The following SNX4 variants were observed in gnomAD, a reference collection of about 807,000 sequenced individuals.
The protein encoded by SNX4 is sorting nexin 4, also known as sorting nexin-4.
In SNX4, 49 loss-of-function variants were observed where a neutral mutation model predicts 70.8. The observed-to-expected ratio is 0.69, with a 90% CI of 0.55 to 0.88. The LOEUF (loss-of-function observed/expected upper bound fraction) is 0.88. Ranked by LOEUF, SNX4 falls within the 40% of genes least tolerant of loss-of-function variation. The pLI is 0.00. For synonymous variants in SNX4, 206 were observed against 183.8 expected, an observed-to-expected ratio of 1.12 and a Z score of -0.98; for missense variants, 528 against 544.8, an observed-to-expected ratio of 0.97 and a Z score of 0.31.
intron 6 of SNX4, among the ~76,000 whole-genome samples, chr3:125,481,938 T>C (rs1219738742): frequency 6.6e-6 from 1 of 152,056 alleles, no homozygotes; most frequent in Admixed American, 6.6e-5. Context: ...CAGGTTGGAA[T>C]GCAGTGGCTT....
At chr3:125,448,094 T>C (rs950821665) in intron 13 of SNX4, among the ~76,000 whole-genome samples, 2 of 151,826 alleles carry the variant, frequency 1.3e-5, no homozygotes, top group South Asian at 2.1e-4. Flanking sequence ...TCATATCACA[T>C]ACTCGAGTAA....
At chr3:125,514,579 C>A (rs1935235776) in intron 1 of SNX4, among the ~76,000 whole-genome samples, 1 of 152,024 alleles carries the variant, frequency 6.6e-6, no homozygotes, top group Non-Finnish European at 1.5e-5. Flanking sequence ...TCTAGTACAG[C>A]TGGGCTTTCA....
intron 5 of SNX4, among the ~76,000 whole-genome samples, chr3:125,493,008 G>T (rs1934696999): frequency 1.3e-5 from 2 of 152,148 alleles, no homozygotes; most frequent in African/African-American, 2.4e-5. Context: ...GAGTTAAAAC[G>T]TTACTTTTAT....
rs777689343 is a variant in SNX4 at position 125,504,750 on chromosome 3, C to T, written c.142-6G>A. On this transcript the variant is annotated splice_polypyrimidine_tract_variant and splice_region_variant and intron_variant, in intron 1 of 13. Coordinates refer to ENST00000251775, the MANE Select transcript of SNX4 (RefSeq NM_003794.4). ...CAAAAATTATTGTGTGTCATCTGGA[C>T]AAAAGTAAATAAAACAACAACAACA... The T allele has an allele frequency of 3.7e-5, 60 of 1,610,858 alleles. No homozygotes were observed. The highest frequency in any genetic ancestry group is 4.5e-5 in the Non-Finnish European group (53 of 1,178,794).
chr3:125,485,486 C>A (rs189695496), intron 6 of SNX4, among the ~76,000 whole-genome samples: 2 of 152,104 alleles, frequency 1.3e-5, no homozygotes, highest in African/African-American at 4.8e-5. Flanking sequence ...TTGGTAGAGA[C>A]AGGGTTTCAC....
intron 9 of SNX4, among the ~76,000 whole-genome samples, chr3:125,465,965 A>G (rs2107534034): frequency 6.6e-6 from 1 of 152,204 alleles, no homozygotes; most frequent in Admixed American, 6.5e-5. Flanking sequence ...AGAATTAGCA[A>G]TTTGGGGAGA....
At chr3:125,510,384 C>A (rs1158946880) in intron 1 of SNX4, among the ~76,000 whole-genome samples, 1 of 152,034 alleles carries the variant, frequency 6.6e-6, no homozygotes, top group East Asian at 1.9e-4. Flanking sequence ...GCGCCCGCCA[C>A]ACGCCCGGCT....
At chr3:125,497,253 T>C in intron 5 of SNX4, 88 bp downstream of exon 5, 1 of 722,320 alleles carries the variant, frequency 1.4e-6, no homozygotes, top group Non-Finnish European at 2.3e-6. Flanking sequence ...CATTCATTTA[T>C]TCAATAAATA....
At chr3:125,507,191 G>GAAAAAAAA (rs753584700) in intron 1 of SNX4, among the ~76,000 whole-genome samples, 2 of 90,818 alleles carry the variant, frequency 2.2e-5, no homozygotes, top group Admixed American at 1.2e-4. Context: ...CTGGGTGATA[G>GAAAAAAAA]AAAAAAAAAA....
intron 8 of SNX4, among the ~76,000 whole-genome samples, chr3:125,470,503 C>CA (rs1934139519): frequency 2.9e-5 from 4 of 137,730 alleles, no homozygotes; most frequent in Non-Finnish European, 4.8e-5. Flanking sequence ...AAAAAAAAAA[C>CA]AAAAAACACA....
At chr3:125,467,709 G>A (rs1344070187) in intron 9 of SNX4, among the ~76,000 whole-genome samples, 1 of 152,074 alleles carries the variant, frequency 6.6e-6, no homozygotes, top group Non-Finnish European at 1.5e-5. Context: ...CACTGCACCT[G>A]GCCAGAATGG....
chr3:125,486,060 C>T (rs927237929), intron 6 of SNX4, among the ~76,000 whole-genome samples: 4 of 152,078 alleles, frequency 2.6e-5, no homozygotes, highest in African/African-American at 7.2e-5. Flanking sequence ...AGGTGGGTCT[C>T]GAGCTCCTGA....
chr3:125,498,323 C>A, intron 2 of SNX4, 129 bp from the exon 3 acceptor site: 3 of 917,652 alleles, frequency 3.3e-6, no homozygotes, highest in Non-Finnish European at 4.8e-6. Flanking sequence ...ACTTTTCATA[C>A]ATTTTTCTTT....
At chr3:125,468,995 T>A (rs1307630512) in intron 9 of SNX4, among the ~76,000 whole-genome samples, 1 of 152,210 alleles carries the variant, frequency 6.6e-6, no homozygotes, top group Non-Finnish European at 1.5e-5. Flanking sequence ...AATTTTCTTG[T>A]CTCACCATAT....
At chr3:125,466,746 C>T (rs1324523571) in intron 9 of SNX4, among the ~76,000 whole-genome samples, 1 of 151,920 alleles carries the variant, frequency 6.6e-6, no homozygotes, top group Non-Finnish European at 1.5e-5. Context: ...AAGCTGATAG[C>T]ACCACTGTTC....
chr3:125,490,647 A>G (rs1934637717), intron 5 of SNX4, among the ~76,000 whole-genome samples: 1 of 152,150 alleles, frequency 6.6e-6, no homozygotes, highest in Non-Finnish European at 1.5e-5. Flanking sequence ...ACAACTTTTT[A>G]ACTATTTTCT....
chr3:125,470,744 T>C (rs1220910908), intron 8 of SNX4, among the ~76,000 whole-genome samples: 1 of 152,194 alleles, frequency 6.6e-6, no homozygotes, highest in African/African-American at 2.4e-5. Context: ...AGTAACCCAG[T>C]CTGGTGTTCA....
intron 12 of SNX4, among the ~76,000 whole-genome samples, chr3:125,452,937 A>G (rs1367255173): frequency 6.6e-6 from 1 of 152,052 alleles, no homozygotes; most frequent in East Asian, 1.9e-4. Flanking sequence ...AATTCTATCT[A>G]TTACTTTGCC....
At chr3:125,489,883 T>C (rs1345683379) in intron 5 of SNX4, among the ~76,000 whole-genome samples, 3 of 152,218 alleles carry the variant, frequency 2.0e-5, no homozygotes, top group African/African-American at 7.2e-5. Flanking sequence ...CCCAGCACTT[T>C]GGAAGGCCGA....
Sources: allele counts gnomAD v4.1 joint callset (sites outside exome capture counted in the v4.1 genomes callset), GRCh38; gene constraint gnomAD v4.1.1; transcripts MANE v1.5; gene names NCBI Gene and HGNC (gene_info 2026-07-23, HGNC 2026-07-21).